Variants in WDR37 observed in about 807,000 individuals in gnomAD.
WDR37 encodes the protein WD repeat-containing protein 37.
WDR37 carries 19 observed loss-of-function variants against 62.9 expected under a neutral mutation model. That is an observed-to-expected ratio of 0.30 (90% CI 0.21 to 0.44). The LOEUF (loss-of-function observed/expected upper bound fraction) is 0.44, where lower values mean the gene tolerates loss of function less well. WDR37 is among the 20% of genes least tolerant of loss of function. The pLI, the probability that WDR37 is intolerant of heterozygous loss-of-function variation, is 1.00. For missense variants in WDR37, 474 were observed against 657.6 expected (o/e 0.72, Z 3.05); for synonymous variants, 250 against 260.9 (o/e 0.96, Z 0.40).
intron 5 of WDR37, among the ~76,000 whole-genome samples, chr10:1,081,686 C>A (rs1006320355): frequency 6.6e-6 from 1 of 152,070 alleles, no homozygotes; most frequent in Non-Finnish European, 1.5e-5. Context: ...CTTATACTTA[C>A]AAGTTTTGAA....
At position 1,095,217 on chromosome 10, in the gene WDR37, G is replaced by T. The variant is rs74117825; in HGVS notation, c.650-953G>T. 5.4e-3 allele frequency among the ~76,000 whole-genome samples: 812 copies of T among 151,168 alleles called. 7 individuals are homozygous for T. Among genetic ancestry groups the T allele is most frequent in the African/African-American group, 0.019 (765 of 41,032 alleles). ...TGTGAGGTGACGAGCATGGAGAGAGGAGAGTTAGACTTGGAAACGTGAGGT... is the reference window on the plus strand; with the variant it reads ...TGTGAGGTGACGAGCATGGAGAGAGTAGAGTTAGACTTGGAAACGTGAGGT... On this transcript the variant is annotated intron_variant, in intron 8 of 13. Coordinates refer to ENST00000263150, the MANE Select transcript of WDR37 (RefSeq NM_014023.4).
intron 11 of WDR37, among the ~76,000 whole-genome samples, chr10:1,122,517 G>A (rs551829681): frequency 2.0e-4 from 30 of 152,336 alleles, no homozygotes; most frequent in Admixed American, 1.3e-3. Flanking sequence ...GCTGCATGGC[G>A]AGCATGGGGA....
chr10:1,106,568 G>C (rs974058525), intron 11 of WDR37, among the ~76,000 whole-genome samples: 1 of 152,162 alleles, frequency 6.6e-6, no homozygotes, highest in Non-Finnish European at 1.5e-5. Flanking sequence ...CCGGGCTGGA[G>C]TGCAGTGGTA....
chr10:1,059,546 C>T (rs1638330852), intron 1 of WDR37, among the ~76,000 whole-genome samples: 1 of 152,004 alleles, frequency 6.6e-6, no homozygotes. Flanking sequence ...TGCCTGTAAT[C>T]CCAGCACTTT....
intron 7 of WDR37, among the ~76,000 whole-genome samples, chr10:1,090,789 G>A (rs1834358862): frequency 6.6e-6 from 1 of 152,174 alleles, no homozygotes; most frequent in African/African-American, 2.4e-5. Context: ...GTGATGGAAG[G>A]AGCCAGTGCC....
intron 1 of WDR37, among the ~76,000 whole-genome samples, chr10:1,068,981 C>T (rs895565837): frequency 1.2e-4 from 18 of 152,042 alleles, no homozygotes; most frequent in African/African-American, 3.6e-4. Context: ...ATGAAATGGC[C>T]AGAACAGGCA....
In WDR37 at chr10:1,093,247, C is replaced by T. The variant is rs556393130; in HGVS notation, c.605-205C>T. Among the ~76,000 whole-genome samples, 12 of 152,070 alleles carry T rather than the reference C, an allele frequency of 7.9e-5. 1 individual carries two copies. The highest frequency in any genetic ancestry group is 1.8e-4 in the Non-Finnish European group (12 of 68,016). On this transcript the variant is annotated intron_variant, in intron 7 of 13. Transcript: ENST00000263150. ...CTTTTCCTGGGGTCCTAAACTATAG[C>T]GATTTGGTGGTTCATACCTTAGTTG...
chr10:1,067,368 T>C (rs1164765300), intron 1 of WDR37, among the ~76,000 whole-genome samples: 2 of 152,206 alleles, frequency 1.3e-5, no homozygotes, highest in Admixed American at 6.5e-5. Flanking sequence ...AGAAAATGTT[T>C]GGCCCCTAGG....
chr10:1,076,171 G>A (rs1054395811), intron 2 of WDR37, among the ~76,000 whole-genome samples: 2 of 152,052 alleles, frequency 1.3e-5, no homozygotes, highest in South Asian at 4.2e-4. Context: ...TTAGAAGGAT[G>A]TTTAGAGGCT....
chr10:1,091,598 T>G (rs1834390636), intron 7 of WDR37, among the ~76,000 whole-genome samples: 1 of 152,156 alleles, frequency 6.6e-6, no homozygotes, highest in African/African-American at 2.4e-5. Flanking sequence ...GGGGTGGAAA[T>G]AAGGGTTGGT....
chr10:1,084,822 G>T (rs764867707), intron 6 of WDR37, among the ~76,000 whole-genome samples: 5 of 152,240 alleles, frequency 3.3e-5, no homozygotes, highest in Non-Finnish European at 7.3e-5. Context: ...ATGAATAGAT[G>T]TGCATCTGCA....
chr10:1,084,608 C>A, intron 6 of WDR37, 70 bp downstream of exon 6: 3 of 1,577,754 alleles, frequency 1.9e-6, no homozygotes, highest in Non-Finnish European at 2.6e-6. Flanking sequence ...GATGGACATT[C>A]ACTTTTCTGT....
intron 11 of WDR37, among the ~76,000 whole-genome samples, chr10:1,112,258 G>T (rs1255061242): frequency 1.3e-5 from 2 of 152,144 alleles, no homozygotes; most frequent in Non-Finnish European, 2.9e-5. Flanking sequence ...TATGAGGGTG[G>T]TCAGTGACTT....
At chr10:1,115,472 C>T (rs1835361372) in intron 11 of WDR37, among the ~76,000 whole-genome samples, 1 of 152,200 alleles carries the variant, frequency 6.6e-6, no homozygotes, top group African/African-American at 2.4e-5. Flanking sequence ...ATCATGTGCT[C>T]AGAAAGGTAA....
At chr10:1,113,088 T>C (rs1835264703) in intron 11 of WDR37, among the ~76,000 whole-genome samples, 1 of 151,264 alleles carries the variant, frequency 6.6e-6, no homozygotes, top group Admixed American at 6.6e-5. Context: ...GACAGACTGA[T>C]GCTCTTGTGA....
At chr10:1,111,802 G>A (rs1835225444) in intron 11 of WDR37, among the ~76,000 whole-genome samples, 3 of 152,190 alleles carry the variant, frequency 2.0e-5, no homozygotes, top group African/African-American at 7.2e-5. Flanking sequence ...GCAGAAATGT[G>A]AAGTTGTAGT....
chr10:1,096,023 GTTAT>G, intron 8 of WDR37, 143 bp from the exon 9 acceptor site: 1 of 658,558 alleles, frequency 1.5e-6, no homozygotes, highest in South Asian at 1.9e-5. Context: ...TCAGAAAAGA[GTTAT>G]TTAAGTAAAA....
In WDR37 at chr10:1,103,775, C is replaced by T; in HGVS notation, c.900C>T (p.Ser300=). 6.2e-7 allele frequency: 1 copy of T among 1,614,242 alleles called. No homozygotes were observed. The highest frequency in any genetic ancestry group is 1.3e-5 in the African/African-American group (1 of 75,060). ...GGGGGAAGCAGGCTGTGACTGCCTC[C>T]TGGGACCGGACGGCAAACCTGTACG... ...LVGGKQAVTA[S]WDRTANLYDV... The change falls in exon 10 of 14, where the codon TCC becomes TCT. Residue 300 remains serine (S), a synonymous_variant. Transcript: ENST00000263150. The surrounding 1 kb of genome is among the most constrained non-coding windows in gnomAD (Gnocchi z 6.3).
intron 7 of WDR37, among the ~76,000 whole-genome samples, chr10:1,088,641 C>G (rs1184541924): frequency 6.7e-6 from 1 of 149,892 alleles, no homozygotes; most frequent in Admixed American, 6.7e-5. Context: ...TCACTATTAA[C>G]AGACATAATA....
Sources: gnomAD v4.1 joint callset for allele counts (sites outside exome capture counted in the v4.1 genomes callset) on GRCh38, gnomAD v4.1.1 for gene constraint, Gnocchi (gnomAD v3.1) non-coding constraint, MANE v1.5 for transcripts, NCBI Gene and HGNC (gene_info 2026-07-23, HGNC 2026-07-21) for gene names.